XXYLT1: variants seen among roughly 807,000 people sequenced by gnomAD.
The protein encoded by XXYLT1 is UDP-xylose:alpha-xyloside alpha-1,3-xylosyltransferase.
In XXYLT1, 20 loss-of-function variants were observed where a neutral mutation model predicts 28.9. The ratio of observed to expected loss-of-function variants is 0.69; its 90% confidence interval spans 0.49 to 1.00. The LOEUF (loss-of-function observed/expected upper bound fraction) is 1.00, where lower values mean the gene tolerates loss of function less well. Among genes scored for constraint, XXYLT1 ranks in the 50% least tolerant of loss-of-function variants. The pLI is 0.00. For missense variants in XXYLT1, 542 were observed against 560.1 expected, an observed-to-expected ratio of 0.97 and a Z score of 0.33; for synonymous variants, 257 against 253.8, an observed-to-expected ratio of 1.01 and a Z score of -0.12.
At chr3:195,086,397 T>A (rs1715728757) in intron 3 of XXYLT1, among the ~76,000 whole-genome samples, 2 of 152,216 alleles carry the variant, frequency 1.3e-5, no homozygotes, top group African/African-American at 4.8e-5. Flanking sequence ...CCCCTACCCC[T>A]GCTTCCCTGG....
At chr3:195,222,021 C>G (rs1723848259) in intron 2 of XXYLT1, among the ~76,000 whole-genome samples, 1 of 152,192 alleles carries the variant, frequency 6.6e-6, no homozygotes, top group Non-Finnish European at 1.5e-5. Context: ...AGATGTGGTT[C>G]TGGGCGCTCC....
intron 2 of XXYLT1, among the ~76,000 whole-genome samples, chr3:195,205,634 G>A (rs115712924): frequency 4.2e-3 from 643 of 152,278 alleles, no homozygotes; most frequent in Middle Eastern, 0.014. Context: ...AGGCCGAGGC[G>A]GGTGAATTAC....
rs1467307386 is a variant in XXYLT1 at position 195,256,625 on chromosome 3, A to G, written c.504+13930T>C. 11 of 967,158 alleles carry G rather than the reference A, an allele frequency of 1.1e-5. No individual in the cohort carries two copies. Among genetic ancestry groups the G allele is most frequent in the African/African-American group, 1.8e-5 (1 of 56,986 alleles). 59.9% of individuals were successfully genotyped at this position (967,158 alleles called of 1,614,324 possible). A position where few individuals can be genotyped will look rare whatever the true frequency, so the allele number is the denominator to read the frequency against. Reference sequence around the variant, plus strand: ...AAGGGCATGAGCTCTGTAAGCCCCCAGCACTGTTTATACACGCCTGGAAGA... The same window carrying G: ...AAGGGCATGAGCTCTGTAAGCCCCCGGCACTGTTTATACACGCCTGGAAGA... On this transcript the variant is annotated intron_variant, in intron 1 of 3. Transcript: ENST00000310380. The surrounding 1 kb of genome is among the most constrained non-coding windows in gnomAD (Gnocchi z 4.2).
intron 1 of XXYLT1, among the ~76,000 whole-genome samples, chr3:195,254,403 T>G (rs890732418): frequency 6.6e-6 from 1 of 152,238 alleles, no homozygotes; most frequent in African/African-American, 2.4e-5. Flanking sequence ...CCTTTTCCCC[T>G]GTGAGGAAAC....
In XXYLT1 at chr3:195,271,121, G is replaced by A. The variant is rs1243348769; in HGVS notation, c.-63C>T. 7.8e-7 allele frequency: 1 copy of A among 1,275,480 alleles called. No homozygotes were observed. The allele number at this position is 1,275,480 out of a possible 1,614,324, so 79.0% of individuals were successfully genotyped here. On this transcript the variant is annotated 5_prime_UTR_variant, in exon 1 of 4. Coordinates refer to ENST00000310380, the MANE Select transcript of XXYLT1 (RefSeq NM_152531.5). ...CGGGAGAGCCCTCGGGTACCCGGAC[G>A]CCGGCGGCCACTTAGCCCCGGCGCC...
intron 2 of XXYLT1, among the ~76,000 whole-genome samples, chr3:195,159,974 C>T (rs1413769900): frequency 2.6e-5 from 4 of 152,038 alleles, no homozygotes; most frequent in African/African-American, 7.3e-5. Context: ...TGGGCCAACT[C>T]GGCTCATCAT....
intron 2 of XXYLT1, among the ~76,000 whole-genome samples, chr3:195,187,611 G>C (rs1412778814): frequency 3.3e-5 from 5 of 152,118 alleles, no homozygotes; most frequent in African/African-American, 7.2e-5. Flanking sequence ...GAAAGAAATG[G>C]GATTCCACCC....
intron 3 of XXYLT1, among the ~76,000 whole-genome samples, chr3:195,103,103 C>G (rs77958041): frequency 6.6e-6 from 1 of 152,206 alleles, no homozygotes; most frequent in Admixed American, 6.5e-5. Context: ...CTGCACTGAA[C>G]GGGGAGAAGT....
chr3:195,136,829 T>C (rs770418505), intron 3 of XXYLT1, among the ~76,000 whole-genome samples: 1 of 151,864 alleles, frequency 6.6e-6, no homozygotes, highest in Admixed American at 6.6e-5. Flanking sequence ...AATAAATAAA[T>C]AAATAAAAAC....
At chr3:195,203,606 A>C (rs911159993) in intron 2 of XXYLT1, among the ~76,000 whole-genome samples, 2 of 152,144 alleles carry the variant, frequency 1.3e-5, no homozygotes, top group African/African-American at 4.8e-5. Context: ...TCTAGCCACC[A>C]CTCAGGCCTT....
intron 3 of XXYLT1, among the ~76,000 whole-genome samples, chr3:195,126,056 C>A (rs557052559): frequency 2.1e-3 from 314 of 152,358 alleles, no homozygotes; most frequent in South Asian, 7.3e-3. Flanking sequence ...CAGTGACCTA[C>A]GCCCAAATCA....
Position 195,263,469 on chromosome 3 carries a change from C to A in XXYLT1, c.504+7086G>T, listed in dbSNP as rs1378048049. Among the ~76,000 whole-genome samples, 2 of 152,074 alleles carry A rather than the reference C, an allele frequency of 1.3e-5. 1 individual carries two copies. The highest frequency in any genetic ancestry group is 4.8e-5 in the African/African-American group (2 of 41,382). On this transcript the variant is annotated intron_variant, in intron 1 of 3. Transcript: ENST00000310380. ...CTGGGTTATATCTCTTGGGAGGGAG[C>A]GAGTTCTCACTCTCACTCACGGCAC...
intron 2 of XXYLT1, among the ~76,000 whole-genome samples, chr3:195,213,975 T>C (rs1723446061): frequency 6.6e-6 from 1 of 152,188 alleles, no homozygotes; most frequent in East Asian, 1.9e-4. Context: ...AAGCAAAACA[T>C]TAGGAGCCAT....
rs116791772 is a variant in XXYLT1 at position 195,140,907 on chromosome 3, G to A, written c.785+15542C>T. On this transcript the variant is annotated intron_variant, in intron 3 of 3. Transcript: ENST00000310380. ...AACCTCCAGTGGGATGGTATTCGGGGGATTTGGGGGAGTTATTAGGTCATG... is the reference window on the plus strand; with the variant it reads ...AACCTCCAGTGGGATGGTATTCGGGAGATTTGGGGGAGTTATTAGGTCATG... Among the ~76,000 whole-genome samples, 672 of 152,216 alleles carry A rather than the reference G, an allele frequency of 4.4e-3. 2 individuals are homozygous for A. Among genetic ancestry groups the A allele is most frequent in the Admixed American group, 8.6e-3 (132 of 15,292 alleles).
chr3:195,100,728 G>C, intron 3 of XXYLT1, among the ~76,000 whole-genome samples: 1 of 152,138 alleles, frequency 6.6e-6, no homozygotes, highest in East Asian at 1.9e-4. Context: ...CCAGCTCACA[G>C]GCCATGTCCT....
At chr3:195,268,155 C>T (rs567712805) in intron 1 of XXYLT1, among the ~76,000 whole-genome samples, 7 of 152,104 alleles carry the variant, frequency 4.6e-5, no homozygotes, top group South Asian at 2.1e-4. Context: ...GGAGGCCAGG[C>T]GCGGTGGTTC....
chr3:195,151,613 TAAAC>T (rs939426430), intron 3 of XXYLT1, among the ~76,000 whole-genome samples: 3 of 151,710 alleles, frequency 2.0e-5, no homozygotes, highest in African/African-American at 7.2e-5. Flanking sequence ...ATTGTTTAGA[TAAAC>T]AATAAACAAT....
intron 2 of XXYLT1, among the ~76,000 whole-genome samples, chr3:195,218,630 G>A (rs1432711505): frequency 4.0e-5 from 6 of 150,500 alleles, no homozygotes; most frequent in African/African-American, 9.9e-5. Context: ...ATCTCACACC[G>A]GTTCGAATGG....
At chr3:195,178,956 A>C (rs1721808020) in intron 2 of XXYLT1, among the ~76,000 whole-genome samples, 3 of 151,656 alleles carry the variant, frequency 2.0e-5, no homozygotes, top group Admixed American at 2.0e-4. Context: ...GGAAGAGGCT[A>C]CTCTGAAGGT....
Sources: gnomAD v4.1 joint callset for allele counts (sites outside exome capture counted in the v4.1 genomes callset) on GRCh38, gnomAD v4.1.1 for gene constraint, Gnocchi (gnomAD v3.1) non-coding constraint, MANE v1.5 for transcripts, NCBI Gene and HGNC (gene_info 2026-07-23, HGNC 2026-07-21) for gene names.